Variants in DAZL observed in about 807,000 individuals in gnomAD.
DAZL encodes the protein deleted in azoospermia like, also known as deleted in azoospermia-like.
DAZL carries 4 observed loss-of-function variants against 45.0 expected under a neutral mutation model. The observed-to-expected ratio is 0.09, with a 90% CI of 0.04 to 0.20. DAZL has a LOEUF of 0.20. Among genes scored for constraint, DAZL ranks in the 10% least tolerant of loss-of-function variants. DAZL has a pLI of 1.00. For missense variants in DAZL, 326 were observed against 351.3 expected, an observed-to-expected ratio of 0.93 and a Z score of 0.58; for synonymous variants, 122 against 112.4, an observed-to-expected ratio of 1.09 and a Z score of -0.54.
At chr3:16,589,915 AT>A (rs1427264291) in intron 10 of DAZL, among the ~76,000 whole-genome samples, 1 of 150,270 alleles carries the variant, frequency 6.7e-6, no homozygotes, top group Admixed American at 6.7e-5. Context: ...AAAAAAAAAA[AT>A]CTTTTTAACT....
At chr3:16,597,588 A>T (rs1197622039) in intron 3 of DAZL, 47 bp from the exon 4 acceptor site, 2 of 1,168,036 alleles carry the variant, frequency 1.7e-6, no homozygotes, top group South Asian at 2.4e-5. Context: ...CATACAGTAC[A>T]TGGTTCAGAA....
chr3:16,599,311 T>G (rs1282427884), intron 1 of DAZL, among the ~76,000 whole-genome samples: 1 of 152,098 alleles, frequency 6.6e-6, no homozygotes, highest in Admixed American at 6.5e-5. Flanking sequence ...ATGACAAATA[T>G]TAAAAAACTC....
At chr3:16,604,443 G>C in intron 1 of DAZL, 2 of 1,531,092 alleles carry the variant, frequency 1.3e-6, no homozygotes, top group South Asian at 2.4e-5. Flanking sequence ...AACCAACCTC[G>C]TGCGGCAAAG....
At chr3:16,596,913 G>A (rs572307090) in intron 5 of DAZL, 24 bp from the exon 6 acceptor site, 11 of 1,613,584 alleles carry the variant, frequency 6.8e-6, no homozygotes, top group African/African-American at 1.3e-5. Flanking sequence ...AAAAAGAAAA[G>A]GCCTATTTTT....
intron 10 of DAZL, among the ~76,000 whole-genome samples, chr3:16,590,935 TGTG>T (rs1694509139): frequency 6.6e-6 from 1 of 152,172 alleles, no homozygotes; most frequent in South Asian, 2.1e-4. Flanking sequence ...TAAAATTGAT[TGTG>T]GTCATGGTTA....
At chr3:16,595,791 T>C (rs1274437252) in intron 6 of DAZL, among the ~76,000 whole-genome samples, 1 of 152,050 alleles carries the variant, frequency 6.6e-6, no homozygotes, top group Admixed American at 6.5e-5. Context: ...TATTATAGGG[T>C]AATATGTAGT....
chr3:16,594,600 AGG>A lies in DAZL; in HGVS notation c.571-19_571-18del. 1 of 1,425,382 alleles carries A rather than the reference AGG, an allele frequency of 7.0e-7. No individual in the cohort carries two copies. Among genetic ancestry groups the A allele is most frequent in the South Asian group, 1.3e-5 (1 of 76,878 alleles). 88.3% of individuals were successfully genotyped at this position (1,425,382 alleles called of 1,614,324 possible). On this transcript the variant is annotated intron_variant, in intron 7 of 10. Coordinates refer to ENST00000399444, the MANE Select transcript of DAZL (RefSeq NM_001351.4). ...TGGTGGCATCTTAAAAAAAAAAAAA[AGG>A]AAACCAAAATTATTCAAATATTCCT... is the stretch of plus-strand genomic sequence containing the variant.
chr3:16,598,289 G>A, intron 2 of DAZL, 111 bp from the exon 3 acceptor site: 7 of 1,394,372 alleles, frequency 5.0e-6, no homozygotes, highest in Non-Finnish European at 7.0e-6. Flanking sequence ...ATCCCCAAAT[G>A]ACCAGTAGCT....
intron 1 of DAZL, among the ~76,000 whole-genome samples, chr3:16,603,450 G>C (rs1293349703): frequency 6.6e-6 from 1 of 151,862 alleles, no homozygotes; most frequent in Admixed American, 6.6e-5. Context: ...AGGTTCAAGT[G>C]ATTCTCCTGC....
intron 1 of DAZL, among the ~76,000 whole-genome samples, chr3:16,604,208 A>T (rs746866235): frequency 6.6e-6 from 1 of 152,190 alleles, no homozygotes; most frequent in Non-Finnish European, 1.5e-5. Context: ...AGACACACAC[A>T]CAGCATGTAA....
intron 7 of DAZL, 38 bp from the exon 8 acceptor site, chr3:16,594,621 T>C: frequency 6.7e-7 from 1 of 1,490,664 alleles, no homozygotes; most frequent in South Asian, 1.3e-5. Flanking sequence ...ATTATTCAAA[T>C]ATTCCTACAA....
At chr3:16,593,877 G>A (rs771134289) in intron 8 of DAZL, 109 bp from the exon 9 acceptor site, 94 of 675,742 alleles carry the variant, frequency 1.4e-4, no homozygotes, top group Non-Finnish European at 2.0e-4. Flanking sequence ...TGTAGGTTGT[G>A]TTGAAATTCA....
chr3:16,592,214 T>C (rs1694531477), intron 9 of DAZL, 66 bp from the exon 10 acceptor site: 1 of 1,580,090 alleles, frequency 6.3e-7, no homozygotes, highest in African/African-American at 1.4e-5. Flanking sequence ...AAGGGTTTTT[T>C]TTTGATAGTT....
At chr3:16,599,621 A>G (rs1311311144) in intron 1 of DAZL, among the ~76,000 whole-genome samples, 1 of 152,224 alleles carries the variant, frequency 6.6e-6, no homozygotes, top group Non-Finnish European at 1.5e-5. Flanking sequence ...CAGTAGGCAG[A>G]TATAAATTAT....
intron 10 of DAZL, among the ~76,000 whole-genome samples, chr3:16,590,565 A>C (rs1351251425): frequency 6.6e-6 from 1 of 152,258 alleles, no homozygotes; most frequent in Non-Finnish European, 1.5e-5. Context: ...ACATATGTCC[A>C]CGTAATAACT....
At chr3:16,596,471 C>T (rs1694601327) in intron 6 of DAZL, among the ~76,000 whole-genome samples, 1 of 150,432 alleles carries the variant, frequency 6.6e-6, no homozygotes. Flanking sequence ...CTTTCAAATG[C>T]TTTAGGAACT....
At chr3:16,604,780 CGCGTGGGA>C in intron 1 of DAZL, 1 of 1,349,726 alleles carries the variant, frequency 7.4e-7, no homozygotes, top group Non-Finnish European at 9.5e-7. Flanking sequence ...GGGGCGGAGG[CGCGTGGGA>C]GTGGGGGAGG....
chr3:16,604,095 A>G (rs1427441139), intron 1 of DAZL, among the ~76,000 whole-genome samples: 1 of 152,230 alleles, frequency 6.6e-6, no homozygotes, highest in East Asian at 1.9e-4. Flanking sequence ...TATATGTTGC[A>G]CAATTACACA....
At chr3:16,601,382 T>C (rs1027507509) in intron 1 of DAZL, among the ~76,000 whole-genome samples, 2 of 152,202 alleles carry the variant, frequency 1.3e-5, no homozygotes, top group Non-Finnish European at 2.9e-5. Flanking sequence ...ATCACTTTAA[T>C]AGCGTAATAA....
Sources: allele counts gnomAD v4.1 joint callset (sites outside exome capture counted in the v4.1 genomes callset), GRCh38; gene constraint gnomAD v4.1.1; transcripts MANE v1.5; gene names NCBI Gene and HGNC (gene_info 2026-07-23, HGNC 2026-07-21).